The following DCLK1 variants were observed in gnomAD, a reference collection of about 807,000 sequenced individuals.
DCLK1 encodes the protein serine/threonine-protein kinase DCLK1.
A neutral mutation model predicts 86.2 loss-of-function variants in DCLK1; 16 were observed. That is an observed-to-expected ratio of 0.19 (90% CI 0.13 to 0.28). The LOEUF is 0.28. DCLK1 is among the 10% of genes least tolerant of loss of function. The pLI is 1.00. For missense variants in DCLK1, 590 were observed against 940.2 expected (o/e 0.63, Z 4.87); for synonymous variants, 369 against 370.5 (o/e 1.00, Z 0.05).
At chr13:35,833,855 C>G (rs1325877279) in intron 8 of DCLK1, among the ~76,000 whole-genome samples, 1 of 152,092 alleles carries the variant, frequency 6.6e-6, no homozygotes, top group Non-Finnish European at 1.5e-5. Context: ...TCAGCAGGAG[C>G]CGAATACTAA....
chr13:36,046,157 T>C (rs1327462992), intron 3 of DCLK1, among the ~76,000 whole-genome samples: 1 of 152,212 alleles, frequency 6.6e-6, no homozygotes, highest in African/African-American at 2.4e-5. Context: ...CTAATAAGAA[T>C]TTCTCTCCTT....
chr13:36,083,922 T>C lies in DCLK1; in HGVS notation c.723+27947A>G, dbSNP rs537861598. Among the ~76,000 whole-genome samples, 23 of 152,318 alleles carry C rather than the reference T, an allele frequency of 1.5e-4. No homozygotes were observed. The South Asian group carries it at 4.8e-3, about 32-fold the overall frequency. On this transcript the variant is annotated intron_variant, in intron 3 of 16. Coordinates refer to ENST00000360631, the MANE Select transcript of DCLK1 (RefSeq NM_001330071.2). ...CAACAGGTTCATTTCCTCCTGGATT[T>C]CTCTAAGTTACTTTGCTGTTGCTAT...
At chr13:36,110,891 T>C (rs1039290848) in intron 3 of DCLK1, among the ~76,000 whole-genome samples, 8 of 146,378 alleles carry the variant, frequency 5.5e-5, no homozygotes, top group African/African-American at 2.0e-4. Flanking sequence ...AGTGCAGTGG[T>C]GCGATCTCGG....
chr13:35,822,061 G>A (rs1794980249), intron 11 of DCLK1, among the ~76,000 whole-genome samples: 3 of 152,044 alleles, frequency 2.0e-5, no homozygotes, highest in South Asian at 4.2e-4. Flanking sequence ...TTATTGAGCT[G>A]TAAAGTTGGG....
intron 3 of DCLK1, among the ~76,000 whole-genome samples, chr13:35,978,875 C>T (rs1051263374): frequency 4.6e-5 from 7 of 152,120 alleles, no homozygotes; most frequent in Non-Finnish European, 1.0e-4. Flanking sequence ...GGGTAGTAAA[C>T]TCAGGTTAAC....
At chr13:36,071,418 T>C (rs1182395195) in intron 3 of DCLK1, among the ~76,000 whole-genome samples, 1 of 152,124 alleles carries the variant, frequency 6.6e-6, no homozygotes, top group Admixed American at 6.5e-5. Context: ...ACTTCAGATA[T>C]GAGGAAACAA....
chr13:36,116,726 T>C (rs1264651823), intron 2 of DCLK1, among the ~76,000 whole-genome samples: 2 of 152,222 alleles, frequency 1.3e-5, no homozygotes, highest in Non-Finnish European at 1.5e-5. Flanking sequence ...ATTTCATTTT[T>C]CCAGAGGATA....
intron 15 of DCLK1, among the ~76,000 whole-genome samples, chr13:35,796,969 G>A (rs1466921613): frequency 1.3e-5 from 2 of 152,166 alleles, no homozygotes; most frequent in Admixed American, 1.3e-4. Context: ...GCATTTCAGG[G>A]ACCCAGTGGA....
Position 35,793,367 on chromosome 13 carries a change from G to A in DCLK1, c.2057C>T (p.Ala686Val). Residue 686 changes from alanine (A) to valine (V), a missense_variant and splice_region_variant, in exon 16 of 17, where the codon GCA becomes GTA. Around this residue, in one of 6 missense-constraint regions of DCLK1, gnomAD observed 146 missense variants for 190.2 expected, o/e 0.77. Transcript: ENST00000360631. ...TAGGTGGATATTTCAGATGCTTACTGCTATGACAGAAACTCCAGCTGCTGT... is the reference window on the plus strand; with the variant it reads ...TAGGTGGATATTTCAGATGCTTACTACTATGACAGAAACTCCAGCTGCTGT... Reference protein sequence around the residue: ...NSTAAGVSVIATTALDKERQV... With the variant: ...NSTAAGVSVIVTTALDKERQV... The A allele has an allele frequency of 1.9e-6, 3 of 1,604,328 alleles. No homozygotes were observed. The highest frequency in any genetic ancestry group is 2.6e-6 in the Non-Finnish European group (3 of 1,175,562).
chr13:35,862,500 T>C (rs932343642), intron 5 of DCLK1, among the ~76,000 whole-genome samples: 1 of 152,170 alleles, frequency 6.6e-6, no homozygotes, highest in African/African-American at 2.4e-5. Context: ...GTAGCAATTT[T>C]TTCCACCGCC....
At chr13:36,085,591 C>T (rs1288552427) in intron 3 of DCLK1, among the ~76,000 whole-genome samples, 1 of 152,120 alleles carries the variant, frequency 6.6e-6, no homozygotes, top group Non-Finnish European at 1.5e-5. Flanking sequence ...CAGTAATTTT[C>T]CCTAATTTTT....
At chr13:35,873,953 C>T (rs2153115203) in intron 4 of DCLK1, among the ~76,000 whole-genome samples, 1 of 152,310 alleles carries the variant, frequency 6.6e-6, no homozygotes, top group Admixed American at 6.5e-5. Flanking sequence ...AAGTTTAACA[C>T]TTAGTCTATC....
intron 11 of DCLK1, among the ~76,000 whole-genome samples, chr13:35,812,165 A>G (rs1013635305): frequency 1.3e-5 from 2 of 152,222 alleles, no homozygotes; most frequent in Admixed American, 6.5e-5. Flanking sequence ...ATCAAAACAA[A>G]TGGAGCTGCT....
Position 35,825,908 on chromosome 13 carries a change from G to A in DCLK1, c.1407+1727C>T, listed in dbSNP as rs368328066. ...GCTCACTGCAACCACCACCTCCCGG[G>A]TTCAAGCGATTCTCCTGCCTCAGCC... On this transcript the variant is annotated intron_variant, in intron 10 of 16. Coordinates refer to ENST00000360631, the MANE Select transcript of DCLK1 (RefSeq NM_001330071.2). 8.5e-3 allele frequency among the ~76,000 whole-genome samples: 1,296 copies of A among 151,938 alleles called. 20 individuals are homozygous for A. Among genetic ancestry groups the A allele is most frequent in the Middle Eastern group, 0.01 (3 of 294 alleles).
intron 16 of DCLK1, among the ~76,000 whole-genome samples, chr13:35,789,822 T>C (rs1009577508): frequency 6.6e-6 from 1 of 152,140 alleles, no homozygotes; most frequent in African/African-American, 2.4e-5. Flanking sequence ...TAAAATGTCA[T>C]CTCTAATTCA....
intron 3 of DCLK1, among the ~76,000 whole-genome samples, chr13:35,984,734 T>C (rs1879816404): frequency 1.3e-5 from 2 of 152,158 alleles, no homozygotes; most frequent in African/African-American, 4.8e-5. Flanking sequence ...CCCTTCTTCT[T>C]CAATTTTCTA....
At chr13:36,096,577 C>T (rs553639998) in intron 3 of DCLK1, among the ~76,000 whole-genome samples, 1 of 152,120 alleles carries the variant, frequency 6.6e-6, no homozygotes, top group Non-Finnish European at 1.5e-5. Context: ...GATGAAAGGA[C>T]AAGTGGGAAA....
At chr13:35,796,170 A>ATC (rs2086807259) in intron 15 of DCLK1, among the ~76,000 whole-genome samples, 1 of 152,116 alleles carries the variant, frequency 6.6e-6, no homozygotes, top group African/African-American at 2.4e-5. Flanking sequence ...TACTGGCCTC[A>ATC]CCAACAAGAT....
chr13:35,950,583 GA>G (rs1362233794), intron 3 of DCLK1, among the ~76,000 whole-genome samples: 1 of 152,184 alleles, frequency 6.6e-6, no homozygotes, highest in Non-Finnish European at 1.5e-5. Flanking sequence ...TTTTATGGAT[GA>G]AAAACATGCT....
Sources: gnomAD v4.1 joint callset for allele counts (sites outside exome capture counted in the v4.1 genomes callset) on GRCh38, gnomAD v4.1.1 for gene constraint, gnomAD v4.1.1 regional missense constraint, MANE v1.5 for transcripts, NCBI Gene and HGNC (gene_info 2026-07-23, HGNC 2026-07-21) for gene names.